Variants in CACNA1E observed in about 807,000 individuals in gnomAD.
CACNA1E encodes voltage-dependent R-type calcium channel subunit alpha-1E.
A neutral mutation model predicts 259.2 loss-of-function variants in CACNA1E; 40 were observed. That is an observed-to-expected ratio of 0.15 (90% confidence interval 0.12 to 0.20). The LOEUF is 0.20. CACNA1E is among the 10% of genes least tolerant of loss of function. CACNA1E has a pLI of 1.00. For synonymous variants in CACNA1E, 1,104 were observed against 1,138.5 expected, an observed-to-expected ratio of 0.97 and a Z score of 0.61; for missense variants, 1,874 against 3,040.1, an observed-to-expected ratio of 0.62 and a Z score of 9.02.
intron 3 of CACNA1E, among the ~76,000 whole-genome samples, chr1:181,526,412 ATTT>A (rs10605662): frequency 2.2e-4 from 31 of 143,030 alleles, no homozygotes; most frequent in Admixed American, 2.1e-4. Context: ...CATGGTCTGA[ATTT>A]TTTTTTTTTT....
At chr1:181,500,559 T>C (rs1665156686) in intron 1 of CACNA1E, among the ~76,000 whole-genome samples, 1 of 152,252 alleles carries the variant, frequency 6.6e-6, no homozygotes, top group African/African-American at 2.4e-5. Context: ...GTGGAAGTTC[T>C]TCTCTTTATT....
At chr1:181,477,955 T>C (rs1359775049) in intron 2 of CACNA1E, among the ~76,000 whole-genome samples, 1 of 152,356 alleles carries the variant, frequency 6.6e-6, no homozygotes, top group Admixed American at 6.5e-5. Context: ...GCCTTACCTC[T>C]CTAAAGCTCA....
intron 2 of CACNA1E, among the ~76,000 whole-genome samples, chr1:181,419,004 CATA>C (rs2102179142): frequency 6.6e-6 from 1 of 152,242 alleles, no homozygotes; most frequent in Non-Finnish European, 1.5e-5. Context: ...TGCCCAAGAT[CATA>C]ATGTCAACCA....
At chr1:181,613,568 CCTT>C (rs1654943119) in intron 6 of CACNA1E, among the ~76,000 whole-genome samples, 1 of 152,080 alleles carries the variant, frequency 6.6e-6, no homozygotes, top group Admixed American at 6.6e-5. Context: ...GTTGTCCAGG[CCTT>C]CTTATTGTAC....
At position 181,775,352 on chromosome 1, in the gene CACNA1E, G is replaced by A. The variant is rs148104600; in HGVS notation, c.5140-749G>A. On this transcript the variant is annotated intron_variant, in intron 37 of 47. Transcript: ENST00000367573. ...AGGAAACAGTGCTGTTGAACATCAAGTCCTGTCGATTCCACCTTTGTTAAC... is the reference window on the plus strand; with the variant it reads ...AGGAAACAGTGCTGTTGAACATCAAATCCTGTCGATTCCACCTTTGTTAAC... Among the ~76,000 whole-genome samples, 459 of 152,280 alleles carry A rather than the reference G, an allele frequency of 3.0e-3. 2 individuals carry two copies. Among genetic ancestry groups the A allele is most frequent in the African/African-American group, 0.01 (425 of 41,544 alleles).
chr1:181,611,818 G>A (rs1240008422), intron 6 of CACNA1E, among the ~76,000 whole-genome samples: 1 of 152,176 alleles, frequency 6.6e-6, no homozygotes, highest in Non-Finnish European at 1.5e-5. Flanking sequence ...TTGGGCAACA[G>A]GCTTATGTTA....
Position 181,550,630 on chromosome 1 carries a change from C to T in CACNA1E, c.513-27136C>T, listed in dbSNP as rs1648029112. On this transcript the variant is annotated intron_variant, in intron 3 of 47. Transcript: ENST00000367573. ...AAGAGTTTCCAGAAGGGAATGGTTA[C>T]CAGGTTCAAATGTGAGGGAGGAATT... 2.0e-5 allele frequency among the ~76,000 whole-genome samples: 3 copies of T among 151,974 alleles called. No homozygotes were observed. In the South Asian group the frequency reaches 6.2e-4, roughly 32 times the overall value.
intron 7 of CACNA1E, among the ~76,000 whole-genome samples, chr1:181,694,042 C>T (rs1468369633): frequency 6.6e-6 from 1 of 152,168 alleles, no homozygotes; most frequent in Non-Finnish European, 1.5e-5. Flanking sequence ...AGCATAACCC[C>T]ATTACTTAAA....
At chr1:181,398,110 C>T (rs1656821527) in intron 1 of CACNA1E, among the ~76,000 whole-genome samples, 1 of 152,228 alleles carries the variant, frequency 6.6e-6, no homozygotes, top group Non-Finnish European at 1.5e-5. Context: ...TCTGTCTCTT[C>T]TGAGGTCAAT....
intron 1 of CACNA1E, among the ~76,000 whole-genome samples, chr1:181,401,631 A>G (rs954193648): frequency 1.3e-5 from 2 of 152,212 alleles, no homozygotes; most frequent in Non-Finnish European, 2.9e-5. Context: ...AAGGAAGTTT[A>G]TATTTATAAT....
At chr1:181,749,526 T>C (rs1657400421) in intron 25 of CACNA1E, among the ~76,000 whole-genome samples, 2 of 152,198 alleles carry the variant, frequency 1.3e-5, no homozygotes, top group Non-Finnish European at 2.9e-5. Flanking sequence ...CTTGGGTTCA[T>C]GTCCCAGCTC....
intron 43 of CACNA1E, among the ~76,000 whole-genome samples, chr1:181,787,244 C>T (rs960050042): frequency 7.9e-5 from 12 of 151,794 alleles, no homozygotes; most frequent in East Asian, 7.8e-4. Flanking sequence ...CTCAGCCTCC[C>T]GAGTAGCTGG....
intron 1 of CACNA1E, among the ~76,000 whole-genome samples, chr1:181,385,648 G>T (rs556665875): frequency 6.6e-6 from 1 of 152,090 alleles, no homozygotes. Context: ...TGTTTCCTAA[G>T]GCAGGGACTT....
chr1:181,516,157 T>A (rs1666565882), intron 3 of CACNA1E, among the ~76,000 whole-genome samples: 1 of 152,092 alleles, frequency 6.6e-6, no homozygotes, highest in Non-Finnish European at 1.5e-5. Flanking sequence ...CAGTGTTATC[T>A]CCTGAGAATT....
At position 181,328,557 on chromosome 1, in the gene CACNA1E, G is replaced by A. The variant is rs553447968; in HGVS notation, c.-15+10434G>A. ...AGTATAGGAAGTGACTACCCAAGGCGTGGATATAGGAAAATGTGAACAAAT... is the reference window on the plus strand; with the variant it reads ...AGTATAGGAAGTGACTACCCAAGGCATGGATATAGGAAAATGTGAACAAAT... On this transcript the variant is annotated intron_variant, in intron 1 of 11. Coordinates refer to the CACNA1E transcript ENST00000524607. Among the ~76,000 whole-genome samples, 11 of 152,280 alleles carry A rather than the reference G, an allele frequency of 7.2e-5. No homozygotes were observed. The East Asian group carries it at 1.5e-3, about 21-fold the overall frequency.
chr1:181,777,380 C>CA (rs1398815852), intron 38 of CACNA1E, among the ~76,000 whole-genome samples: 12 of 152,118 alleles, frequency 7.9e-5, no homozygotes, highest in African/African-American at 2.9e-4. Context: ...AGACTTTTCC[C>CA]AAAAATCTAT....
At chr1:181,522,332 A>C (rs1667052420) in intron 3 of CACNA1E, among the ~76,000 whole-genome samples, 1 of 152,218 alleles carries the variant, frequency 6.6e-6, no homozygotes, top group Non-Finnish European at 1.5e-5. Flanking sequence ...CTCTGAGATT[A>C]TACTCTGAGC....
chr1:181,447,570 A>T (rs1421071976), intron 2 of CACNA1E, among the ~76,000 whole-genome samples: 1 of 151,926 alleles, frequency 6.6e-6, no homozygotes, highest in African/African-American at 2.4e-5. Context: ...CTACGTATAG[A>T]TAGTAAAGTG....
chr1:181,366,624 G>A lies in CACNA1E; in HGVS notation c.-14-46509G>A, dbSNP rs564516505. ...GAGGGGAGAGCATCCTGGCACTTTA[G>A]TGGGCTACGTGGCCGACTGCAATTG... is the stretch of plus-strand genomic sequence containing the variant. On this transcript the variant is annotated intron_variant, in intron 1 of 11. Transcript: ENST00000524607. Among the ~76,000 whole-genome samples the A allele has an allele frequency of 1.1e-3, 166 of 152,310 alleles. 1 individual carries two copies. The highest frequency in any genetic ancestry group is 3.9e-3 in the African/African-American group (160 of 41,556).
Sources: gnomAD v4.1 joint callset for allele counts (sites outside exome capture counted in the v4.1 genomes callset) on GRCh38, gnomAD v4.1.1 for gene constraint, MANE v1.5 for transcripts, NCBI Gene and HGNC (gene_info 2026-07-23, HGNC 2026-07-21) for gene names.